The following RORA variants were observed in gnomAD, a reference collection of about 807,000 sequenced individuals.
RORA encodes RAR related orphan receptor A.
In RORA, 7 loss-of-function variants were observed where a neutral mutation model predicts 69.5. The ratio of observed to expected loss-of-function variants is 0.10; its 90% CI spans 0.06 to 0.19. The LOEUF (loss-of-function observed/expected upper bound fraction) is 0.19. Ranked by LOEUF, RORA falls within the 10% of genes least tolerant of loss-of-function variation. The pLI, the probability that RORA is intolerant of heterozygous loss-of-function variation, is 1.00. For missense variants in RORA, 457 were observed against 663.0 expected (o/e 0.69, Z 3.41); for synonymous variants, 261 against 240.8 (o/e 1.08, Z -0.78).
intron 1 of RORA, among the ~76,000 whole-genome samples, chr15:61,103,211 C>T (rs534790356): frequency 6.6e-5 from 10 of 152,198 alleles, no homozygotes; most frequent in African/African-American, 1.9e-4. Flanking sequence ...CTCTCCTGGG[C>T]GGGGCTGAGG....
intron 2 of RORA, among the ~76,000 whole-genome samples, chr15:60,629,474 A>T (rs1005663701): frequency 1.2e-4 from 18 of 152,230 alleles, no homozygotes; most frequent in African/African-American, 4.3e-4. Flanking sequence ...GCGTTTTGTT[A>T]TTCACTCTGG....
chr15:60,833,892 A>T (rs956225151), intron 1 of RORA, among the ~76,000 whole-genome samples: 10 of 152,174 alleles, frequency 6.6e-5, no homozygotes, highest in African/African-American at 2.4e-4. Flanking sequence ...TTATAATGTG[A>T]CGGTGATTAT....
chr15:61,207,522 A>G (rs538657013), intron 1 of RORA, among the ~76,000 whole-genome samples: 5 of 152,240 alleles, frequency 3.3e-5, no homozygotes, highest in African/African-American at 7.2e-5. Flanking sequence ...ACATTAATAC[A>G]TTAGAGTTGT....
intron 1 of RORA, among the ~76,000 whole-genome samples, chr15:60,967,407 C>T (rs1253892025): frequency 1.3e-5 from 2 of 152,212 alleles, no homozygotes; most frequent in South Asian, 2.1e-4. Context: ...GTGACAACAT[C>T]GAATGGAGCT....
chr15:61,054,671 G>C (rs929479645), intron 1 of RORA, among the ~76,000 whole-genome samples: 1 of 152,150 alleles, frequency 6.6e-6, no homozygotes, highest in East Asian at 1.9e-4. Context: ...TGAGGTGCTG[G>C]TGGTATATGA....
chr15:60,970,794 A>AT (rs1021609814), intron 1 of RORA, among the ~76,000 whole-genome samples: 1 of 151,998 alleles, frequency 6.6e-6, no homozygotes, highest in Admixed American at 6.6e-5. Context: ...GATCACAGAG[A>AT]TTTTTTTTCC....
intron 1 of RORA, among the ~76,000 whole-genome samples, chr15:60,971,417 G>A (rs11071575): frequency 2.0e-4 from 30 of 151,982 alleles, no homozygotes; most frequent in African/African-American, 6.8e-4. Context: ...TCCCAGGCCC[G>A]CATGTCCCTA....
At chr15:60,994,166 T>C (rs1229136933) in intron 1 of RORA, among the ~76,000 whole-genome samples, 7 of 152,212 alleles carry the variant, frequency 4.6e-5, no homozygotes, top group African/African-American at 1.4e-4. Context: ...CTAAGAGTGG[T>C]TATCTAAGCT....
chr15:60,737,011 T>C (rs897926059), intron 1 of RORA: 1 of 152,306 alleles, frequency 6.6e-6, no homozygotes, highest in African/African-American at 2.4e-5. Context: ...AGCCCACCGG[T>C]GCAGCTCTTC....
At chr15:60,597,300 A>G (rs910955946) in intron 2 of RORA, among the ~76,000 whole-genome samples, 2 of 151,530 alleles carry the variant, frequency 1.3e-5, no homozygotes, top group African/African-American at 2.4e-5. Flanking sequence ...TATGTTTTGT[A>G]ATCACCACAA....
intron 1 of RORA, among the ~76,000 whole-genome samples, chr15:60,875,622 C>A (rs1010157804): frequency 2.6e-5 from 4 of 152,184 alleles, no homozygotes; most frequent in Non-Finnish European, 5.9e-5. Flanking sequence ...TATGGAGAGG[C>A]ACTTCAGGGA....
intron 2 of RORA, among the ~76,000 whole-genome samples, chr15:60,589,718 A>T (rs2068442107): frequency 1.3e-5 from 2 of 152,178 alleles, no homozygotes; most frequent in Admixed American, 1.3e-4. Flanking sequence ...CAACTAATGC[A>T]GAGGAAGGAT....
At chr15:60,575,660 C>T (rs958744207) in intron 2 of RORA, among the ~76,000 whole-genome samples, 1 of 152,220 alleles carries the variant, frequency 6.6e-6, no homozygotes, top group East Asian at 1.9e-4. Flanking sequence ...AGGCAATACT[C>T]CCAGATCAAG....
chr15:60,673,052 T>C lies in RORA; in HGVS notation c.196+5605A>G, dbSNP rs183056946. On this transcript the variant is annotated intron_variant, in intron 2 of 10. Coordinates refer to ENST00000335670, the MANE Select transcript of RORA (RefSeq NM_134261.3). ...ATGTTTGTTTTCTCCCTGGTAGTGA[T>C]TATGGATTTTAAAGAGCCAATCACC... 7.1e-4 allele frequency among the ~76,000 whole-genome samples: 108 copies of C among 152,310 alleles called. No individual in the cohort carries two copies. The South Asian group carries it at 7.3e-3, about 10-fold the overall frequency.
chr15:60,788,118 G>A (rs140293484), intron 1 of RORA, among the ~76,000 whole-genome samples: 3,132 of 152,336 alleles, frequency 0.021, 43 homozygotes, highest in Non-Finnish European at 0.032. Flanking sequence ...AGCTTCGGTG[G>A]GGATGTGACA....
intron 1 of RORA, among the ~76,000 whole-genome samples, chr15:61,219,189 A>G (rs2080070281): frequency 6.6e-6 from 1 of 152,208 alleles, no homozygotes; most frequent in Non-Finnish European, 1.5e-5. Context: ...ATTACTGACA[A>G]TGTTCCACTA....
chr15:61,118,078 G>A (rs1195262308), intron 1 of RORA, among the ~76,000 whole-genome samples: 2 of 152,140 alleles, frequency 1.3e-5, no homozygotes, highest in South Asian at 2.1e-4. Context: ...TGCTAGATAT[G>A]GTCTCTATCC....
At chr15:60,611,516 C>CA (rs1471612652) in intron 2 of RORA, among the ~76,000 whole-genome samples, 1 of 105,112 alleles carries the variant, frequency 9.5e-6, no homozygotes, top group African/African-American at 3.7e-5. Context: ...TGGTAGAAAG[C>CA]AAAATCAACA....
chr15:60,806,562 T>C (rs1229728989), intron 1 of RORA, among the ~76,000 whole-genome samples: 2 of 152,216 alleles, frequency 1.3e-5, no homozygotes, highest in African/African-American at 4.8e-5. Context: ...TGGCAATGCC[T>C]GGGATCTATA....
Sources: gnomAD v4.1 joint callset for allele counts (sites outside exome capture counted in the v4.1 genomes callset) on GRCh38, gnomAD v4.1.1 for gene constraint, MANE v1.5 for transcripts, NCBI Gene and HGNC (gene_info 2026-07-23, HGNC 2026-07-21) for gene names.